Variants in PRKCH observed in about 807,000 individuals in gnomAD.
PRKCH encodes protein kinase C eta type.
Under a neutral mutation model 82.5 loss-of-function variants are expected in PRKCH, and 28 were observed. That is an observed-to-expected ratio of 0.34 (90% CI 0.25 to 0.47). The LOEUF (loss-of-function observed/expected upper bound fraction) is 0.47. Among genes scored for constraint, PRKCH ranks in the 20% least tolerant of loss-of-function variants. PRKCH has a pLI of 1.00. For synonymous variants in PRKCH, 322 were observed against 327.4 expected (o/e 0.98, Z 0.18); for missense variants, 705 against 881.8 (o/e 0.80, Z 2.54).
intron 2 of PRKCH, among the ~76,000 whole-genome samples, chr14:61,394,569 G>A (rs1470131513): frequency 1.2e-4 from 18 of 152,160 alleles, no homozygotes; most frequent in East Asian, 5.8e-4. Flanking sequence ...AGGGACTGGC[G>A]AAGTAAAGCA....
chr14:61,350,477 CT>C (rs903334655), intron 1 of PRKCH, among the ~76,000 whole-genome samples: 3 of 152,156 alleles, frequency 2.0e-5, no homozygotes, highest in African/African-American at 7.2e-5. Flanking sequence ...ACCTTGTCTG[CT>C]TGCTCCATAC....
chr14:61,444,592 C>A (rs1035735764), intron 3 of PRKCH, among the ~76,000 whole-genome samples: 6 of 152,016 alleles, frequency 3.9e-5, no homozygotes, highest in Admixed American at 1.3e-4. Context: ...CGCTCCCCCC[C>A]TCCACACCCA....
chr14:61,301,945 C>T (rs1387073777), intron 1 of PRKCH, among the ~76,000 whole-genome samples: 3 of 152,248 alleles, frequency 2.0e-5, no homozygotes, highest in East Asian at 1.9e-4. Flanking sequence ...TTTCATCATT[C>T]CCAAGAGTTC....
intron 1 of PRKCH, among the ~76,000 whole-genome samples, chr14:61,231,944 A>T (rs1260488929): frequency 2.6e-5 from 4 of 152,188 alleles, no homozygotes; most frequent in Non-Finnish European, 5.9e-5. Flanking sequence ...CTCCAGCAAC[A>T]GACGCCAGCT....
chr14:61,415,978 T>C (rs113560868), intron 2 of PRKCH, among the ~76,000 whole-genome samples: 115 of 152,258 alleles, frequency 7.6e-4, no homozygotes, highest in African/African-American at 2.6e-3. Flanking sequence ...TTGCATAATG[T>C]CTTCAGGGTT....
intron 12 of PRKCH, among the ~76,000 whole-genome samples, chr14:61,547,039 T>C (rs1051930215): frequency 2.0e-5 from 3 of 152,212 alleles, no homozygotes; most frequent in Non-Finnish European, 4.4e-5. Context: ...CGCTTAGCTG[T>C]GTGGCAGCGC....
At chr14:61,375,564 G>A (rs1055121729) in intron 1 of PRKCH, among the ~76,000 whole-genome samples, 2 of 152,012 alleles carry the variant, frequency 1.3e-5, no homozygotes, top group African/African-American at 2.4e-5. Context: ...TGGCTAGGAG[G>A]TGAGGGGGAA....
intron 10 of PRKCH, among the ~76,000 whole-genome samples, chr14:61,493,041 G>A (rs993886161): frequency 6.6e-6 from 1 of 152,200 alleles, no homozygotes; most frequent in African/African-American, 2.4e-5. Context: ...TGAAGTTGGA[G>A]GCATGGGAAG....
At chr14:61,525,683 C>T (rs1273486252) in intron 10 of PRKCH, 3 of 152,248 alleles carry the variant, frequency 2.0e-5, no homozygotes, top group African/African-American at 4.8e-5. Context: ...TGCGGGTCAA[C>T]GCTTGAGACC....
At chr14:61,493,457 T>A (rs565948291) in intron 10 of PRKCH, among the ~76,000 whole-genome samples, 1 of 152,290 alleles carries the variant, frequency 6.6e-6, no homozygotes, top group African/African-American at 2.4e-5. Context: ...GTACTTACCA[T>A]GGAATTGGCC....
At chr14:61,226,496 G>C (rs995964921) in intron 1 of PRKCH, among the ~76,000 whole-genome samples, 2 of 152,188 alleles carry the variant, frequency 1.3e-5, no homozygotes, top group African/African-American at 4.8e-5. Flanking sequence ...ATGTGGGTTT[G>C]TGATATTTCA....
At chr14:61,220,328 T>C (rs369606304) in intron 1 of PRKCH, among the ~76,000 whole-genome samples, 9 of 152,112 alleles carry the variant, frequency 5.9e-5, no homozygotes, top group Non-Finnish European at 1.3e-4. Context: ...GCTATAGCTA[T>C]TGGACAAAAT....
chr14:61,303,012 A>ATTTTTT (rs139375822), intron 1 of PRKCH: 1,896 of 128,894 alleles, frequency 0.015, 67 homozygotes, highest in Non-Finnish European at 0.021. Context: ...TGTTCCTTCA[A>ATTTTTT]TTTTTTTTTT....
At chr14:61,230,904 G>A (rs753115226) in intron 1 of PRKCH, among the ~76,000 whole-genome samples, 1 of 152,204 alleles carries the variant, frequency 6.6e-6, no homozygotes, top group African/African-American at 2.4e-5. Flanking sequence ...GAGAGGAGAG[G>A]TGCTTATTTC....
chr14:61,201,379 C>T (rs1441343268), intron 1 of PRKCH, among the ~76,000 whole-genome samples: 4 of 152,154 alleles, frequency 2.6e-5, no homozygotes, highest in South Asian at 2.1e-4. Flanking sequence ...TATTCTAAGC[C>T]GCATGATTTA....
At chr14:61,530,635 A>G (rs1369560293) in intron 12 of PRKCH, 40 bp downstream of exon 12, 4 of 1,541,094 alleles carry the variant, frequency 2.6e-6, no homozygotes, top group Admixed American at 1.9e-5. Context: ...ATGTATTGCA[A>G]ACCAGCTTGT....
intron 1 of PRKCH, chr14:61,299,794 A>G (rs2045435899): frequency 6.6e-6 from 1 of 152,220 alleles, no homozygotes; most frequent in African/African-American, 2.4e-5. Flanking sequence ...ATTTTTGAAT[A>G]CACCCTCCCA....
chr14:61,314,158 A>T (rs944185691), intron 1 of PRKCH, among the ~76,000 whole-genome samples: 3 of 150,852 alleles, frequency 2.0e-5, no homozygotes, highest in African/African-American at 4.9e-5. Flanking sequence ...TCCCCTAAAT[A>T]ATTTATCTCT....
intron 9 of PRKCH, chr14:61,463,234 T>C (rs1373408176): frequency 6.6e-6 from 1 of 152,180 alleles, no homozygotes; most frequent in Non-Finnish European, 1.5e-5. Flanking sequence ...CGAAGTGCTG[T>C]TCAAAAGTGA....
Sources: gnomAD v4.1 joint callset for allele counts (sites outside exome capture counted in the v4.1 genomes callset) on GRCh38, gnomAD v4.1.1 for gene constraint, MANE v1.5 for transcripts, NCBI Gene and HGNC (gene_info 2026-07-23, HGNC 2026-07-21) for gene names.